SCFD2: variants seen among roughly 807,000 people sequenced by gnomAD.
SCFD2 encodes sec1 family domain containing 2, also known as sec1 family domain-containing protein 2.
SCFD2 carries 54 observed loss-of-function variants against 58.9 expected under a neutral mutation model. The observed-to-expected ratio is 0.92, with a 90% CI of 0.74 to 1.15. The LOEUF (loss-of-function observed/expected upper bound fraction) is 1.15, where lower values mean the gene tolerates loss of function less well. SCFD2 is among the 50% of genes most tolerant of loss of function. The pLI, the probability that SCFD2 is intolerant of heterozygous loss-of-function variation, is 0.00. For missense variants in SCFD2, 805 were observed against 836.6 expected, an observed-to-expected ratio of 0.96 and a Z score of 0.47; for synonymous variants, 321 against 335.9, an observed-to-expected ratio of 0.96 and a Z score of 0.49.
intron 5 of SCFD2, among the ~76,000 whole-genome samples, chr4:53,015,943 C>T (rs73250922): frequency 6.6e-6 from 1 of 152,038 alleles, no homozygotes; most frequent in African/African-American, 2.4e-5. Context: ...AGATGTTTGT[C>T]CTGTACAAAG....
chr4:53,098,330 T>C (rs1724724178), intron 5 of SCFD2, among the ~76,000 whole-genome samples: 1 of 152,230 alleles, frequency 6.6e-6, no homozygotes, highest in Non-Finnish European at 1.5e-5. Flanking sequence ...AATTCGGCTG[T>C]GAATCCGTCA....
At chr4:53,201,753 A>C (rs946527546) in intron 4 of SCFD2, among the ~76,000 whole-genome samples, 1 of 151,968 alleles carries the variant, frequency 6.6e-6, no homozygotes, top group Non-Finnish European at 1.5e-5. Flanking sequence ...TGTGGTTTTG[A>C]TTTGCATTTC....
intron 4 of SCFD2, among the ~76,000 whole-genome samples, chr4:53,221,847 T>A (rs932827924): frequency 5.9e-5 from 9 of 152,178 alleles, no homozygotes; most frequent in African/African-American, 1.9e-4. Flanking sequence ...TGGTGACATT[T>A]CCAGTCCTTG....
At chr4:53,267,387 T>C (rs2149061468) in intron 4 of SCFD2, among the ~76,000 whole-genome samples, 1 of 152,322 alleles carries the variant, frequency 6.6e-6, no homozygotes, top group South Asian at 2.1e-4. Flanking sequence ...GTATATACTA[T>C]GTAAAGTAAG....
intron 6 of SCFD2, among the ~76,000 whole-genome samples, chr4:52,915,735 A>G (rs1047170628): frequency 6.6e-6 from 1 of 152,236 alleles, no homozygotes; most frequent in African/African-American, 2.4e-5. Flanking sequence ...GCCAATTAGA[A>G]GTAGACTCAG....
intron 5 of SCFD2, among the ~76,000 whole-genome samples, chr4:53,015,260 G>T (rs1722184247): frequency 1.3e-5 from 2 of 152,106 alleles, no homozygotes; most frequent in African/African-American, 4.8e-5. Context: ...CAGGATTATG[G>T]ATTTTATTCT....
chr4:52,888,897 A>AGGATGT (rs1387727640), intron 7 of SCFD2, among the ~76,000 whole-genome samples: 27 of 152,070 alleles, frequency 1.8e-4, no homozygotes, highest in African/African-American at 6.3e-4. Flanking sequence ...GGACATCACC[A>AGGATGT]CCCAGCTCCT....
intron 7 of SCFD2, among the ~76,000 whole-genome samples, chr4:52,890,067 G>C (rs1718846068): frequency 6.6e-6 from 1 of 152,202 alleles, no homozygotes; most frequent in Non-Finnish European, 1.5e-5. Context: ...CTCTCCCTTT[G>C]CTTTATGCAT....
chr4:53,187,272 A>G (rs1384027223), intron 4 of SCFD2, among the ~76,000 whole-genome samples: 1 of 152,112 alleles, frequency 6.6e-6, no homozygotes. Context: ...AGCAATATTG[A>G]CAATGCTGTG....
At chr4:53,183,248 A>G (rs1251870202) in intron 4 of SCFD2, among the ~76,000 whole-genome samples, 1 of 152,214 alleles carries the variant, frequency 6.6e-6, no homozygotes, top group Non-Finnish European at 1.5e-5. Context: ...ACTTGGAACC[A>G]ACCTAAATGT....
rs116348660 is a variant in SCFD2, at chr4:52,962,483, T to A, written c.1562-41613A>T. Among the ~76,000 whole-genome samples, 1,002 of 152,256 alleles carry A rather than the reference T, an allele frequency of 6.6e-3. 17 individuals are homozygous for A. The highest frequency in any genetic ancestry group is 0.046 in the South Asian group (224 of 4,818). ...GAAATAGTCTTCCCTATAAATGTCG[T>A]CTGTAGGTTGTAGTATTTTCTCCTG... is the stretch of plus-strand genomic sequence containing the variant. On this transcript the variant is annotated intron_variant, in intron 5 of 8. Transcript: ENST00000401642.
intron 3 of SCFD2, among the ~76,000 whole-genome samples, chr4:53,313,374 A>T (rs994520885): frequency 2.6e-5 from 4 of 152,210 alleles, no homozygotes; most frequent in African/African-American, 9.7e-5. Flanking sequence ...TGACAGTTCT[A>T]AAATAGATCA....
chr4:53,157,955 C>T (rs910337233), intron 4 of SCFD2, among the ~76,000 whole-genome samples: 10 of 152,232 alleles, frequency 6.6e-5, no homozygotes, highest in South Asian at 2.1e-4. Context: ...AAATTATGTG[C>T]GCTCAGTTAA....
At chr4:52,878,605 G>A (rs1319788465) in intron 8 of SCFD2, among the ~76,000 whole-genome samples, 1 of 151,994 alleles carries the variant, frequency 6.6e-6, no homozygotes, top group Non-Finnish European at 1.5e-5. Context: ...CTAAAAAGTG[G>A]GCCCTAAACA....
At chr4:53,028,714 T>TCCCCAGGGA (rs1722542786) in intron 5 of SCFD2, among the ~76,000 whole-genome samples, 1 of 152,160 alleles carries the variant, frequency 6.6e-6, no homozygotes, top group Non-Finnish European at 1.5e-5. Context: ...CCCGGGGTTT[T>TCCCCAGGGA]AAGTTTTCCC....
At chr4:52,951,111 T>C (rs917002010) in intron 5 of SCFD2, 1 of 152,214 alleles carries the variant, frequency 6.6e-6, no homozygotes, top group African/African-American at 2.4e-5. Context: ...TAGATGTGTT[T>C]AGTTTGGGAC....
intron 5 of SCFD2, among the ~76,000 whole-genome samples, chr4:52,981,952 C>T (rs1721385805): frequency 6.6e-6 from 1 of 151,936 alleles, no homozygotes; most frequent in African/African-American, 2.4e-5. Context: ...GAGAATGTGA[C>T]AGTGGAACTG....
At chr4:53,135,834 C>T (rs1437263362) in intron 5 of SCFD2, among the ~76,000 whole-genome samples, 4 of 152,106 alleles carry the variant, frequency 2.6e-5, no homozygotes, top group Admixed American at 6.5e-5. Flanking sequence ...TTTATCATTG[C>T]ATTTTCACTG....
At chr4:52,883,324 C>T (rs886995948) in intron 8 of SCFD2, among the ~76,000 whole-genome samples, 2 of 152,192 alleles carry the variant, frequency 1.3e-5, no homozygotes, top group Non-Finnish European at 2.9e-5. Flanking sequence ...GGTAATTCAC[C>T]TCCTTTCAAA....
Sources: allele counts gnomAD v4.1 joint callset (sites outside exome capture counted in the v4.1 genomes callset), GRCh38; gene constraint gnomAD v4.1.1; transcripts MANE v1.5; gene names NCBI Gene and HGNC (gene_info 2026-07-23, HGNC 2026-07-21).